PRKAG2: variants seen among roughly 807,000 people sequenced by gnomAD.
PRKAG2 encodes the protein 5'-AMP-activated protein kinase subunit gamma-2.
In PRKAG2, 26 loss-of-function variants were observed where a neutral mutation model predicts 69.6. That is an observed-to-expected ratio of 0.37 (90% CI 0.27 to 0.52). PRKAG2 has a LOEUF of 0.52. Among genes scored for constraint, PRKAG2 ranks in the 20% least tolerant of loss-of-function variants. The probability of loss-of-function intolerance (pLI) is 0.90; values close to 1 mark genes in which losing one functional copy is unlikely to be tolerated. For missense variants in PRKAG2, 557 were observed against 740.0 expected (o/e 0.75, Z 2.87); for synonymous variants, 293 against 285.0 (o/e 1.03, Z -0.28).
intron 1 of PRKAG2, among the ~76,000 whole-genome samples, chr7:151,866,010 ACT>A (rs761489772): frequency 1.6e-4 from 22 of 140,406 alleles, no homozygotes; most frequent in Admixed American, 4.6e-4. Context: ...ACAGAGCAAG[ACT>A]CTGTCTCAAA....
rs372738203 is a variant in PRKAG2, at chr7:151,876,783, G to GGCCGCC, written c.-169_-164dup. 7.0e-6 allele frequency: 5 copies of GGCCGCC among 715,806 alleles called. No individual in the cohort carries two copies. Among genetic ancestry groups the GGCCGCC allele is most frequent in the Non-Finnish European group, 1.2e-5 (5 of 417,722 alleles). 44.3% of individuals were successfully genotyped at this position (715,806 alleles called of 1,614,324 possible). The stretch of plus-strand genomic sequence containing the variant: ...GGGAGGGTGAGCAGGGAACTCGCGC[G>GGCCGCC]GCCGCCGCCGCCGCCGAAGCGCCGA... On this transcript the variant is annotated 5_prime_UTR_variant, in exon 1 of 16. Coordinates refer to ENST00000287878, the MANE Select transcript of PRKAG2 (RefSeq NM_016203.4).
At chr7:151,627,443 TG>T (rs1489182572) in intron 5 of PRKAG2, among the ~76,000 whole-genome samples, 1 of 151,956 alleles carries the variant, frequency 6.6e-6, no homozygotes, top group Non-Finnish European at 1.5e-5. Context: ...CTGGGCACCA[TG>T]GTGAAACCCC....
At chr7:151,763,157 T>C (rs1158529856) in intron 3 of PRKAG2, among the ~76,000 whole-genome samples, 2 of 152,184 alleles carry the variant, frequency 1.3e-5, no homozygotes, top group East Asian at 1.9e-4. Flanking sequence ...AATTGTCGGG[T>C]GGGCTCGGAA....
At chr7:151,568,516 A>C (rs1563151349) in intron 11 of PRKAG2, among the ~76,000 whole-genome samples, 200 bp downstream of exon 11, 1 of 152,220 alleles carries the variant, frequency 6.6e-6, no homozygotes, top group Admixed American at 6.5e-5. Flanking sequence ...ACTTGCACTA[A>C]AAGGTGATTC....
chr7:151,595,386 G>C lies in PRKAG2; in HGVS notation c.823C>G (p.Pro275Ala). The C allele has an allele frequency of 6.2e-7, 1 of 1,613,916 alleles. No homozygotes were observed. The highest frequency in any genetic ancestry group is 8.5e-7 in the Non-Finnish European group (1 of 1,179,934). ...AAGACAACAAGCTTTGAACTGGTTGGAACGATGTCATAACACTTGTGTGAC... is the reference window on the plus strand; with the variant it reads ...AAGACAACAAGCTTTGAACTGGTTGCAACGATGTCATAACACTTGTGTGAC... ...MRSHKCYDIV[P>A]TSSKLVVFDT... The change falls in exon 6 of 16, where the codon CCA becomes GCA. Residue 275 changes from proline (P) to alanine (A), a missense_variant. By Grantham distance (27) the Pro-to-Ala change is conservative. This residue lies in a region of PRKAG2 where 205 missense variants were observed against 383.4 expected (regional missense o/e 0.53). Coordinates refer to ENST00000287878, the MANE Select transcript of PRKAG2 (RefSeq NM_016203.4).
chr7:151,566,712 AG>A, intron 11 of PRKAG2: 1 of 365,576 alleles, frequency 2.7e-6, no homozygotes, highest in Non-Finnish European at 5.3e-6. Context: ...AGAAATTTAG[AG>A]AAAAAAAAAA....
intron 4 of PRKAG2, among the ~76,000 whole-genome samples, chr7:151,640,460 T>C (rs976689939): frequency 6.6e-6 from 1 of 152,212 alleles, no homozygotes; most frequent in African/African-American, 2.4e-5. Context: ...TCCCTCTGTG[T>C]ACCCCACACC....
intron 3 of PRKAG2, among the ~76,000 whole-genome samples, chr7:151,704,548 C>A (rs1356628834): frequency 6.6e-6 from 1 of 152,230 alleles, no homozygotes; most frequent in Non-Finnish European, 1.5e-5. Context: ...TGGGCGGCGT[C>A]TACTCTGGGG....
At chr7:151,767,447 T>A (rs1339957802) in intron 3 of PRKAG2, among the ~76,000 whole-genome samples, 1 of 152,180 alleles carries the variant, frequency 6.6e-6, no homozygotes, top group Non-Finnish European at 1.5e-5. Context: ...TCTGCCACCA[T>A]GTGCGGCTAG....
chr7:151,690,587 T>C (rs1835513663), intron 3 of PRKAG2, among the ~76,000 whole-genome samples: 2 of 152,234 alleles, frequency 1.3e-5, no homozygotes, highest in Non-Finnish European at 2.9e-5. Context: ...GATTCAATTG[T>C]ACCACATCAT....
chr7:151,780,551 A>T lies in PRKAG2; in HGVS notation c.466+601T>A, dbSNP rs937266519. Among the ~76,000 whole-genome samples the T allele has an allele frequency of 1.3e-5, 2 of 152,218 alleles. No homozygotes were observed. Among genetic ancestry groups the T allele is most frequent in the Admixed American group, 1.3e-4 (2 of 15,290 alleles). ...GACGGCGCTCAAATGAAAATACCTTATCCTCAGATCACAAACACTAATGAA... is the reference window on the plus strand; with the variant it reads ...GACGGCGCTCAAATGAAAATACCTTTTCCTCAGATCACAAACACTAATGAA... On this transcript the variant is annotated intron_variant, in intron 3 of 15. Coordinates refer to ENST00000287878, the MANE Select transcript of PRKAG2 (RefSeq NM_016203.4). This position sits in a 1 kb window ranked among gnomAD's most constrained non-coding sequence, Gnocchi z 4.2.
intron 1 of PRKAG2, among the ~76,000 whole-genome samples, chr7:151,859,371 A>G (rs2151904897): frequency 6.6e-6 from 1 of 152,182 alleles, no homozygotes; most frequent in Middle Eastern, 3.4e-3. Flanking sequence ...GTGGGTGGAG[A>G]GGGTGGGATG....
chr7:151,872,955 C>G (rs572147666), intron 1 of PRKAG2, among the ~76,000 whole-genome samples: 1 of 152,346 alleles, frequency 6.6e-6, no homozygotes, highest in African/African-American at 2.4e-5. Context: ...CAGGACGCCC[C>G]CATTAATCTG....
At chr7:151,851,675 C>A (rs1206600105) in intron 1 of PRKAG2, among the ~76,000 whole-genome samples, 1 of 152,208 alleles carries the variant, frequency 6.6e-6, no homozygotes, top group Non-Finnish European at 1.5e-5. Context: ...GAGAGCGCTC[C>A]TGGGGCCCCA....
At chr7:151,561,654 CG>C (rs1412446543) in intron 14 of PRKAG2, among the ~76,000 whole-genome samples, 4 of 152,182 alleles carry the variant, frequency 2.6e-5, no homozygotes, top group Non-Finnish European at 5.9e-5. Context: ...TCATGATGGC[CG>C]GGCGCGATGG....
chr7:151,717,996 G>GA (rs1796436546), intron 3 of PRKAG2, among the ~76,000 whole-genome samples: 1 of 152,186 alleles, frequency 6.6e-6, no homozygotes, highest in Non-Finnish European at 1.5e-5. Flanking sequence ...GGGAGTGGGG[G>GA]GAAGGGGCTC....
chr7:151,779,254 G>C (rs750219713), intron 3 of PRKAG2, among the ~76,000 whole-genome samples: 5 of 152,206 alleles, frequency 3.3e-5, no homozygotes, highest in African/African-American at 4.8e-5. Context: ...CTGAACAGTG[G>C]ACAGCACCAA....
At chr7:151,698,682 C>A (rs1395788253) in intron 3 of PRKAG2, among the ~76,000 whole-genome samples, 9 of 152,286 alleles carry the variant, frequency 5.9e-5, no homozygotes, top group Non-Finnish European at 1.3e-4. Flanking sequence ...TCTCCTACAG[C>A]CTACAGAATT....
chr7:151,737,797 G>A (rs923281322), intron 3 of PRKAG2, among the ~76,000 whole-genome samples: 28 of 152,196 alleles, frequency 1.8e-4, no homozygotes, highest in African/African-American at 6.5e-4. Context: ...CTCCACACTC[G>A]GGCAACAGGA....
Sources: allele counts gnomAD v4.1 joint callset (sites outside exome capture counted in the v4.1 genomes callset), GRCh38; gene constraint gnomAD v4.1.1; regional missense constraint gnomAD v4.1.1; non-coding constraint Gnocchi (gnomAD v3.1); transcripts MANE v1.5; gene names NCBI Gene and HGNC (gene_info 2026-07-23, HGNC 2026-07-21).